PLD5: variants seen among roughly 807,000 people sequenced by gnomAD.
PLD5 encodes inactive phospholipase D5.
In PLD5, 36 loss-of-function variants were observed where a neutral mutation model predicts 61.1. The ratio of observed to expected loss-of-function variants is 0.59; its 90% CI spans 0.45 to 0.78. PLD5 has a LOEUF of 0.78. Among genes scored for constraint, PLD5 ranks in the 30% least tolerant of loss-of-function variants. The pLI is 0.00. For missense variants in PLD5, 515 were observed against 644.4 expected, an observed-to-expected ratio of 0.80 and a Z score of 2.17; for synonymous variants, 243 against 242.8, an observed-to-expected ratio of 1.00 and a Z score of -0.01.
chr1:242,450,931 T>C (rs765733368), intron 1 of PLD5, among the ~76,000 whole-genome samples: 7 of 152,190 alleles, frequency 4.6e-5, no homozygotes, highest in Non-Finnish European at 8.8e-5. Flanking sequence ...ACTCTGAAAC[T>C]CTGGAGTGTT....
At chr1:242,344,780 A>G (rs1660035068) in intron 2 of PLD5, among the ~76,000 whole-genome samples, 1 of 151,676 alleles carries the variant, frequency 6.6e-6, no homozygotes, top group South Asian at 2.1e-4. Flanking sequence ...ACTCTCCCAG[A>G]CCCTCTCTGA....
chr1:242,132,963 C>T (rs1322576906), intron 5 of PLD5, among the ~76,000 whole-genome samples: 1 of 152,186 alleles, frequency 6.6e-6, no homozygotes, highest in East Asian at 1.9e-4. Flanking sequence ...ACTCCACACC[C>T]AAGTAACAAA....
chr1:242,392,958 C>T (rs1274269968), intron 1 of PLD5, among the ~76,000 whole-genome samples: 1 of 151,794 alleles, frequency 6.6e-6, no homozygotes, highest in Non-Finnish European at 1.5e-5. Context: ...ATTCTCAGCA[C>T]TTTGGGAGGC....
At chr1:242,387,611 A>G (rs1356935057) in intron 1 of PLD5, among the ~76,000 whole-genome samples, 1 of 148,738 alleles carries the variant, frequency 6.7e-6, no homozygotes, top group Non-Finnish European at 1.5e-5. Flanking sequence ...GAATACATAT[A>G]TATTTTGTAT....
intron 1 of PLD5, among the ~76,000 whole-genome samples, chr1:242,452,561 A>ATC (rs1272548335): frequency 2.0e-5 from 3 of 152,122 alleles, no homozygotes; most frequent in Non-Finnish European, 4.4e-5. Flanking sequence ...CACGCCTATA[A>ATC]TCCTAGCACT....
intron 1 of PLD5, among the ~76,000 whole-genome samples, chr1:242,486,710 G>A (rs1572228235): frequency 6.6e-6 from 1 of 151,916 alleles, no homozygotes; most frequent in Non-Finnish European, 1.5e-5. Flanking sequence ...CCCATTACTG[G>A]GTATATACCC....
chr1:242,414,630 A>G (rs1664726085), intron 1 of PLD5, among the ~76,000 whole-genome samples: 2 of 152,212 alleles, frequency 1.3e-5, no homozygotes, highest in South Asian at 4.1e-4. Context: ...CATCAGGATA[A>G]ATTTCAAACA....
intron 5 of PLD5, among the ~76,000 whole-genome samples, chr1:242,219,403 T>C (rs1419915114): frequency 6.6e-6 from 1 of 152,124 alleles, no homozygotes; most frequent in Non-Finnish European, 1.5e-5. Context: ...TTGGCTAGTC[T>C]TCCTAAGCAT....
intron 3 of PLD5, among the ~76,000 whole-genome samples, chr1:242,281,989 A>T (rs972814658): frequency 7.9e-5 from 12 of 152,208 alleles, no homozygotes; most frequent in Non-Finnish European, 1.8e-4. Flanking sequence ...AGAAACTCTA[A>T]TCCCCTTCTA....
At chr1:242,422,846 CTTTTTTTT>C (rs3033897) in intron 1 of PLD5, among the ~76,000 whole-genome samples, 1 of 129,586 alleles carries the variant, frequency 7.7e-6, no homozygotes, top group Non-Finnish European at 1.7e-5. Context: ...GTATTTCTCT[CTTTTTTTT>C]TTTTTTTTTT....
intron 5 of PLD5, among the ~76,000 whole-genome samples, chr1:242,197,356 A>G (rs979160871): frequency 6.6e-6 from 1 of 152,124 alleles, no homozygotes; most frequent in African/African-American, 2.4e-5. Flanking sequence ...TTTTCCATGA[A>G]CTTGAAGGCT....
At chr1:242,422,793 T>C (rs984254748) in intron 1 of PLD5, among the ~76,000 whole-genome samples, 1 of 151,812 alleles carries the variant, frequency 6.6e-6, no homozygotes, top group Non-Finnish European at 1.5e-5. Context: ...AAGCTGAAGT[T>C]CCTGCCCACA....
intron 1 of PLD5, among the ~76,000 whole-genome samples, chr1:242,430,768 A>G (rs974727801): frequency 6.6e-6 from 1 of 152,078 alleles, no homozygotes; most frequent in Non-Finnish European, 1.5e-5. Flanking sequence ...TCACAGGCAC[A>G]TGTCTAACTT....
rs1183658282 is a variant in PLD5 at position 242,089,066 on chromosome 1, ATATT to A, written c.*784_*787del. 2.5e-5 allele frequency: 9 copies of A among 356,236 alleles called. No individual in the cohort carries two copies. The highest frequency in any genetic ancestry group is 3.5e-5 in the Non-Finnish European group (7 of 200,034). 22.1% of individuals were successfully genotyped at this position (356,236 alleles called of 1,614,324 possible). A position where few individuals can be genotyped will look rare whatever the true frequency, so the allele number is the denominator to read the frequency against. Reference sequence around the variant, plus strand: ...TTTCTGAGCTTGAGAGAAAGGATACATATTGCTGACTGTGATTTTTTTTAAATAC... The same window carrying A: ...TTTCTGAGCTTGAGAGAAAGGATACAGCTGACTGTGATTTTTTTTAAATAC... On this transcript the variant is annotated 3_prime_UTR_variant, in exon 10 of 10. Transcript: ENST00000536534.
At chr1:242,242,012 G>GACACACACACACAC (rs377737578) in intron 4 of PLD5, among the ~76,000 whole-genome samples, 4 of 106,056 alleles carry the variant, frequency 3.8e-5, no homozygotes, top group East Asian at 2.7e-4. Flanking sequence ...TATATATATA[G>GACACACACACACAC]ACACACACAC....
chr1:242,434,116 G>T (rs892266908), intron 1 of PLD5, among the ~76,000 whole-genome samples: 1 of 152,206 alleles, frequency 6.6e-6, no homozygotes, highest in African/African-American at 2.4e-5. Flanking sequence ...CTAAGAAGCT[G>T]CAGGCAGCAA....
intron 5 of PLD5, among the ~76,000 whole-genome samples, chr1:242,184,717 T>A (rs1349342442): frequency 1.3e-5 from 2 of 152,224 alleles, no homozygotes; most frequent in Non-Finnish European, 2.9e-5. Context: ...ATTTTTAAAC[T>A]TGAGGTTTGA....
At chr1:242,523,965 G>T in intron 1 of PLD5, 123 bp downstream of exon 1, 3 of 1,096,412 alleles carry the variant, frequency 2.7e-6, no homozygotes, top group Non-Finnish European at 3.8e-6. Flanking sequence ...GACCTAGGAC[G>T]TCGGCGCCTG....
chr1:242,330,572 T>G (rs72763055), intron 2 of PLD5, among the ~76,000 whole-genome samples: 3,247 of 152,278 alleles, frequency 0.021, 76 homozygotes, highest in East Asian at 0.052. Context: ...TCACACATTC[T>G]TGATGGTAGA....
Sources: gnomAD v4.1 joint callset for allele counts (sites outside exome capture counted in the v4.1 genomes callset) on GRCh38, gnomAD v4.1.1 for gene constraint, MANE v1.5 for transcripts, NCBI Gene and HGNC (gene_info 2026-07-23, HGNC 2026-07-21) for gene names.